AHDC1: variants seen among roughly 807,000 people sequenced by gnomAD.
AHDC1 encodes AT-hook DNA binding motif containing 1.
A neutral mutation model predicts 87.9 loss-of-function variants in AHDC1; 7 were observed. The ratio of observed to expected loss-of-function variants is 0.08; its 90% confidence interval spans 0.05 to 0.15. The LOEUF is 0.15. Among genes scored for constraint, AHDC1 ranks in the 10% least tolerant of loss-of-function variants. The pLI is 1.00. For synonymous variants in AHDC1, 1,051 were observed against 1,006.8 expected (o/e 1.04, Z -0.83); for missense variants, 1,841 against 2,253.2 (o/e 0.82, Z 3.70).
chr1:27,549,313 C>T lies in AHDC1; in HGVS notation c.2803G>A (p.Ala935Thr), dbSNP rs4908364. 1,596,966 of 1,608,044 alleles carry T rather than the reference C, an allele frequency of 0.99. 793,005 individuals carry two copies. The highest frequency in any genetic ancestry group is 1 in the East Asian group (44,686 of 44,686). The change falls in exon 8 of 9, where the codon GCT becomes ACT. Residue 935 changes from alanine (A) to threonine (T), a missense_variant. By Grantham distance (58) the Ala-to-Thr change is moderately conservative. Transcript: ENST00000673934. ...RAASYGLTPA[A>T]SDCRAAETFP... ...GTCTCGGCTGCCCGGCAGTCTGAAG[C>T]GGCTGGAGTTAGCCCATAGCTTGCT...
Position 27,563,364 on chromosome 1 carries a change from C to T in AHDC1, c.-628-4481G>A, listed in dbSNP as rs2020186665. Among the ~76,000 whole-genome samples, 4 of 152,236 alleles carry T rather than the reference C, an allele frequency of 2.6e-5. No homozygotes were observed. The highest frequency in any genetic ancestry group is 6.5e-5 in the Admixed American group (1 of 15,284). ...ACCAAGACACACACACACACACACA[C>T]ACACGTGGGACAAGTCCCATCTTCC... On this transcript the variant is annotated intron_variant, in intron 3 of 8. Transcript: ENST00000673934. The surrounding 1 kb of genome is among the most constrained non-coding windows in gnomAD (Gnocchi z 6.1).
At chr1:27,582,922 C>CT (rs1372479142) in intron 3 of AHDC1, among the ~76,000 whole-genome samples, 2 of 151,902 alleles carry the variant, frequency 1.3e-5, no homozygotes, top group Admixed American at 1.3e-4. Context: ...TTCTATTTCT[C>CT]TTTTTTTTGA....
intron 3 of AHDC1, among the ~76,000 whole-genome samples, chr1:27,599,014 G>C (rs1189425785): frequency 6.6e-6 from 1 of 152,198 alleles, no homozygotes; most frequent in Non-Finnish European, 1.5e-5. Flanking sequence ...GGAAACTGAG[G>C]CCCAAGAGGA....
rs1040796650 is a variant in AHDC1, at chr1:27,534,799, T to C, written c.*161A>G. 4.9e-5 allele frequency: 1 copy of C among 20,532 alleles called. No individual in the cohort carries two copies. The highest frequency in any genetic ancestry group is 2.0e-4 in the African/African-American group (1 of 4,894). The allele number at this position is 20,532 out of a possible 1,614,324, so 1.3% of individuals were successfully genotyped here. A position where few individuals can be genotyped will look rare whatever the true frequency, so the allele number is the denominator to read the frequency against. ...CGTGGAGGAGATGGGTGGGAGGGGG[T>C]GGAGGGAGATGGGTCTGCAGGGGGT... On this transcript the variant is annotated 3_prime_UTR_variant, in exon 9 of 9. Coordinates refer to ENST00000673934, the MANE Select transcript of AHDC1 (RefSeq NM_001371928.1).
rs1002481617 is a variant in AHDC1 at position 27,562,028 on chromosome 1, G to A, written c.-628-3145C>T. Among the ~76,000 whole-genome samples, 3 of 152,078 alleles carry A rather than the reference G, an allele frequency of 2.0e-5. No homozygotes were observed. The highest frequency in any genetic ancestry group is 4.4e-5 in the Non-Finnish European group (3 of 68,000). Reference sequence around the variant, plus strand: ...GGGGAGAGAGGCACGGGGGAAGCGAGCCAGGCAGAGATGGGAAAGGCAGGA... The same window carrying A: ...GGGGAGAGAGGCACGGGGGAAGCGAACCAGGCAGAGATGGGAAAGGCAGGA... On this transcript the variant is annotated intron_variant, in intron 3 of 8. Transcript: ENST00000673934. The surrounding 1 kb of genome is among the most constrained non-coding windows in gnomAD (Gnocchi z 4.4).
At position 27,561,121 on chromosome 1, in the gene AHDC1, C is replaced by A. The variant is rs981153529; in HGVS notation, c.-628-2238G>T. ...GTTGGGTGGGCACAGAAACACAGCC[C>A]GGCAGCTCCCAAGCCCTTGGGGAGC... On this transcript the variant is annotated intron_variant, in intron 3 of 8. Coordinates refer to ENST00000673934, the MANE Select transcript of AHDC1 (RefSeq NM_001371928.1). The surrounding 1 kb of genome is among the most constrained non-coding windows in gnomAD (Gnocchi z 4.2). 6.6e-6 allele frequency among the ~76,000 whole-genome samples: 1 copy of A among 152,158 alleles called. No individual in the cohort carries two copies. The highest frequency in any genetic ancestry group is 2.4e-5 in the African/African-American group (1 of 41,416).
At position 27,538,400 on chromosome 1, in the gene AHDC1, C is replaced by CAAAAAAA. The variant is rs370786800; in HGVS notation, c.*44-3491_*44-3485dup. Reference sequence around the variant, plus strand: ...CCTGGGTGACAGAGCAAGACTGTCTCAAAAAAAAAAAAAAAAAACCAGAAA... The same window carrying CAAAAAAA: ...CCTGGGTGACAGAGCAAGACTGTCTCAAAAAAAAAAAAAAAAAAAAAAAAACCAGAAA... On this transcript the variant is annotated intron_variant, in intron 8 of 8. Coordinates refer to ENST00000673934, the MANE Select transcript of AHDC1 (RefSeq NM_001371928.1). Among the ~76,000 whole-genome samples, 23 of 60,712 alleles carry CAAAAAAA rather than the reference C, an allele frequency of 3.8e-4. 1 individual carries two copies. The highest frequency in any genetic ancestry group is 8.8e-4 in the African/African-American group (17 of 19,222). 39.8% of individuals were successfully genotyped at this position (60,712 alleles called of 152,430 possible).
intron 3 of AHDC1, among the ~76,000 whole-genome samples, chr1:27,591,990 G>A (rs552011503): frequency 1.3e-5 from 2 of 152,184 alleles, no homozygotes; most frequent in Non-Finnish European, 2.9e-5. Flanking sequence ...GGCTGGAGGC[G>A]ATCCAGCTTC....
chr1:27,549,014 C>T lies in AHDC1; in HGVS notation c.3102G>A (p.Lys1034=). 2 of 1,575,378 alleles carry T rather than the reference C, an allele frequency of 1.3e-6. No individual in the cohort carries two copies. Among genetic ancestry groups the T allele is most frequent in the South Asian group, 1.2e-5 (1 of 86,092 alleles). Residue 1034 remains lysine (K), a synonymous_variant, in exon 8 of 9, where the codon AAG becomes AAA. Coordinates refer to ENST00000673934, the MANE Select transcript of AHDC1 (RefSeq NM_001371928.1). ...CCTCAGAGCTGCTGAAGAAGGAGGC[C>T]TTGCTTGGTGGCAGGCAGGGGCCCC... ...PTGGPCLPPS[K]ASFFSSSEGA...
intron 3 of AHDC1, among the ~76,000 whole-genome samples, chr1:27,596,571 ACTG>A (rs2089377282): frequency 6.6e-6 from 1 of 151,880 alleles, no homozygotes; most frequent in African/African-American, 2.4e-5. Flanking sequence ...CTTGGAAAAC[ACTG>A]CTCCAATCCA....
chr1:27,547,287 C>A lies in AHDC1; in HGVS notation c.*17G>T. ...CAGGAACAAAACCTCGCGGTCCAGT[C>A]GGCACTTCAGTTGGCACTACAGGGA... On this transcript the variant is annotated 3_prime_UTR_variant, in exon 8 of 9. Transcript: ENST00000673934. The surrounding 1 kb of genome is among the most constrained non-coding windows in gnomAD (Gnocchi z 4.9). The A allele has an allele frequency of 6.6e-7, 1 of 1,518,142 alleles. No homozygotes were observed. The highest frequency in any genetic ancestry group is 8.8e-7 in the Non-Finnish European group (1 of 1,133,914). 94.0% of individuals were successfully genotyped at this position (1,518,142 alleles called of 1,614,324 possible).
At position 27,586,887 on chromosome 1, in the gene AHDC1, A is replaced by G. The variant is rs542197051; in HGVS notation, c.-629+16510T>C. 4.9e-4 allele frequency among the ~76,000 whole-genome samples: 75 copies of G among 152,242 alleles called. 1 individual carries two copies. The South Asian group carries it at 0.015, about 31-fold the overall frequency. ...CAGGTCAGAGCAGAAGAAAAGAGGC[A>G]CCCTGGTCCTCTCTTCTGGGTCCCC... On this transcript the variant is annotated intron_variant, in intron 3 of 8. Coordinates refer to ENST00000673934, the MANE Select transcript of AHDC1 (RefSeq NM_001371928.1).
At chr1:27,602,620 G>C (rs2089561261) in intron 3 of AHDC1, among the ~76,000 whole-genome samples, 1 of 152,160 alleles carries the variant, frequency 6.6e-6, no homozygotes, top group Non-Finnish European at 1.5e-5. Context: ...TCCCTGCCTA[G>C]GGGGCTGACA....
At chr1:27,570,106 G>C (rs1293134251) in intron 3 of AHDC1, among the ~76,000 whole-genome samples, 1 of 151,602 alleles carries the variant, frequency 6.6e-6, no homozygotes. Context: ...GTCTCAGGAA[G>C]CCCAGCTGGG....
chr1:27,556,711 G>A (rs2019831603), intron 5 of AHDC1, among the ~76,000 whole-genome samples: 1 of 151,878 alleles, frequency 6.6e-6, no homozygotes, highest in African/African-American at 2.4e-5. Context: ...AATTAAGCTG[G>A]TGTCTGAATT....
chr1:27,558,714 G>T lies in AHDC1; in HGVS notation c.-459C>A, dbSNP rs1174744334. The T allele has an allele frequency of 1.0e-5, 4 of 398,546 alleles. No individual in the cohort carries two copies. The highest frequency in any genetic ancestry group is 1.8e-5 in the Non-Finnish European group (4 of 226,082). 24.7% of individuals were successfully genotyped at this position (398,546 alleles called of 1,614,324 possible). ...TCCCTGCACACTGTTACCTGAGCAG[G>T]CTGCGAAGATAGGCTGGGCTCAGCA... On this transcript the variant is annotated 5_prime_UTR_variant, in exon 4 of 9. Coordinates refer to ENST00000673934, the MANE Select transcript of AHDC1 (RefSeq NM_001371928.1). The surrounding 1 kb of genome is among the most constrained non-coding windows in gnomAD (Gnocchi z 5.6).
At position 27,562,585 on chromosome 1, in the gene AHDC1, G is replaced by A. The variant is rs2020140467; in HGVS notation, c.-628-3702C>T. On this transcript the variant is annotated intron_variant, in intron 3 of 8. Transcript: ENST00000673934. This position sits in a 1 kb window ranked among gnomAD's most constrained non-coding sequence, Gnocchi z 4.4. ...GAAGAATGCTGGGTCCCTCCCCCTGGGGAACAGTCCCACGGGCTGACATAT... is the reference window on the plus strand; with the variant it reads ...GAAGAATGCTGGGTCCCTCCCCCTGAGGAACAGTCCCACGGGCTGACATAT... Among the ~76,000 whole-genome samples the A allele has an allele frequency of 6.6e-6, 1 of 152,116 alleles. No homozygotes were observed. The highest frequency in any genetic ancestry group is 1.5e-5 in the Non-Finnish European group (1 of 68,010).
At chr1:27,601,185 A>AT (rs1293767657) in intron 3 of AHDC1, among the ~76,000 whole-genome samples, 1 of 152,278 alleles carries the variant, frequency 6.6e-6, no homozygotes, top group Non-Finnish European at 1.5e-5. Flanking sequence ...GTTTCTCTCT[A>AT]TATTATTTCA....
At chr1:27,539,959 C>T (rs1323120765) in intron 8 of AHDC1, among the ~76,000 whole-genome samples, 1 of 152,102 alleles carries the variant, frequency 6.6e-6, no homozygotes, top group Non-Finnish European at 1.5e-5. Context: ...GCCTCACCTC[C>T]TCCATCTCTC....
Sources: gnomAD v4.1 joint callset for allele counts (sites outside exome capture counted in the v4.1 genomes callset) on GRCh38, gnomAD v4.1.1 for gene constraint, Gnocchi (gnomAD v3.1) non-coding constraint, MANE v1.5 for transcripts, NCBI Gene and HGNC (gene_info 2026-07-23, HGNC 2026-07-21) for gene names.